The following SPOCK3 variants were observed in gnomAD, a reference collection of about 807,000 sequenced individuals.
SPOCK3 encodes SPARC (osteonectin), cwcv and kazal like domains proteoglycan 3.
Under a neutral mutation model 56.6 loss-of-function variants are expected in SPOCK3, and 30 were observed. The observed-to-expected ratio is 0.53, with a 90% confidence interval of 0.40 to 0.72. The LOEUF (loss-of-function observed/expected upper bound fraction) is 0.72. SPOCK3 is among the 30% of genes least tolerant of loss of function. SPOCK3 has a pLI of 0.00. For missense variants in SPOCK3, 527 were observed against 530.0 expected (o/e 0.99, Z 0.06); for synonymous variants, 196 against 183.3 (o/e 1.07, Z -0.56).
chr4:167,122,410 A>G (rs1652940810), intron 2 of SPOCK3, among the ~76,000 whole-genome samples: 1 of 152,148 alleles, frequency 6.6e-6, no homozygotes, highest in Admixed American at 6.5e-5. Flanking sequence ...TCAGCCTCCC[A>G]TTAATAATTT....
At chr4:167,159,995 C>T (rs1385282917) in intron 2 of SPOCK3, among the ~76,000 whole-genome samples, 2 of 152,118 alleles carry the variant, frequency 1.3e-5, no homozygotes, top group South Asian at 2.1e-4. Flanking sequence ...CAGGGATGCC[C>T]TCTCTCACCA....
intron 6 of SPOCK3, among the ~76,000 whole-genome samples, chr4:166,834,466 T>G (rs547020148): frequency 6.6e-6 from 1 of 152,324 alleles, no homozygotes; most frequent in Admixed American, 6.5e-5. Flanking sequence ...TTAAAAATTT[T>G]TAGAGTACCA....
intron 2 of SPOCK3, among the ~76,000 whole-genome samples, chr4:167,095,316 T>G (rs1461923679): frequency 1.3e-5 from 2 of 152,078 alleles, no homozygotes; most frequent in African/African-American, 2.4e-5. Context: ...TTTATTCTAT[T>G]ATTTTGTCTT....
intron 2 of SPOCK3, among the ~76,000 whole-genome samples, chr4:167,145,922 C>G (rs1346917221): frequency 6.6e-6 from 1 of 152,152 alleles, no homozygotes; most frequent in Non-Finnish European, 1.5e-5. Flanking sequence ...AAATAATCAA[C>G]TAGCATCACA....
intron 5 of SPOCK3, among the ~76,000 whole-genome samples, chr4:166,910,457 C>T (rs987891520): frequency 6.6e-6 from 1 of 152,034 alleles, no homozygotes; most frequent in African/African-American, 2.4e-5. Flanking sequence ...CCAAGGAGAA[C>T]AATGAGGAAA....
intron 4 of SPOCK3, among the ~76,000 whole-genome samples, chr4:166,918,030 G>A (rs1219023089): frequency 6.6e-6 from 1 of 152,020 alleles, no homozygotes; most frequent in East Asian, 1.9e-4. Context: ...CAAATCATTT[G>A]CTTTTTAAAA....
intron 5 of SPOCK3, among the ~76,000 whole-genome samples, chr4:166,900,143 T>G (rs773614612): frequency 2.0e-5 from 3 of 152,138 alleles, no homozygotes; most frequent in Non-Finnish European, 4.4e-5. Context: ...ACTGTTCCAG[T>G]TTTACCAGCT....
At chr4:167,208,202 A>G (rs184314524) in intron 2 of SPOCK3, among the ~76,000 whole-genome samples, 2 of 152,190 alleles carry the variant, frequency 1.3e-5, no homozygotes, top group Admixed American at 1.3e-4. Flanking sequence ...ATTGCCGAAA[A>G]GTGGGAAAAA....
At chr4:166,979,654 G>T (rs1423212993) in intron 4 of SPOCK3, among the ~76,000 whole-genome samples, 1 of 151,960 alleles carries the variant, frequency 6.6e-6, no homozygotes, top group African/African-American at 2.4e-5. Flanking sequence ...TACTTCACTG[G>T]TTGTTCCTTC....
At chr4:166,830,374 A>G (rs146504808) in intron 6 of SPOCK3, among the ~76,000 whole-genome samples, 47 of 152,306 alleles carry the variant, frequency 3.1e-4, no homozygotes, top group South Asian at 1.7e-3. Flanking sequence ...AACATATTTC[A>G]TAACTTATTT....
chr4:166,849,935 T>C (rs1748503105), intron 6 of SPOCK3, among the ~76,000 whole-genome samples: 1 of 152,208 alleles, frequency 6.6e-6, no homozygotes, highest in South Asian at 2.1e-4. Flanking sequence ...AAAGGACTAA[T>C]AATATTTCAT....
chr4:167,056,795 CA>C (rs1335587504), intron 3 of SPOCK3, among the ~76,000 whole-genome samples: 1 of 152,018 alleles, frequency 6.6e-6, no homozygotes, highest in Non-Finnish European at 1.5e-5. Context: ...GTGAAAAGAC[CA>C]AATCTACGCC....
chr4:167,009,026 T>A (rs9992558), intron 3 of SPOCK3, among the ~76,000 whole-genome samples: 3,739 of 152,156 alleles, frequency 0.025, 168 homozygotes, highest in African/African-American at 0.085. Flanking sequence ...TAAAAAATTT[T>A]AAAAAATAAA....
At chr4:167,222,750 G>A (rs1234131058) in intron 2 of SPOCK3, among the ~76,000 whole-genome samples, 1 of 124,336 alleles carries the variant, frequency 8.0e-6, no homozygotes, top group Non-Finnish European at 1.6e-5. Context: ...TATAAACATA[G>A]ATATATATTG....
intron 2 of SPOCK3, among the ~76,000 whole-genome samples, chr4:167,167,228 CACAGT>C: frequency 6.6e-6 from 1 of 152,048 alleles, no homozygotes; most frequent in Non-Finnish European, 1.5e-5. Flanking sequence ...AAATCATATT[CACAGT>C]ATTGATATTT....
Position 167,204,610 on chromosome 4 carries a change from C to T in SPOCK3, c.189+29375G>A, listed in dbSNP as rs373103034. On this transcript the variant is annotated intron_variant, in intron 2 of 10. Transcript: ENST00000357545. Reference sequence around the variant, plus strand: ...CACCCAACATGTGGGGATTACAATTCGGATTACTATTCAAGATGAGATTTG... The same window carrying T: ...CACCCAACATGTGGGGATTACAATTTGGATTACTATTCAAGATGAGATTTG... Among the ~76,000 whole-genome samples the T allele has an allele frequency of 1.2e-4, 19 of 152,078 alleles. 1 individual carries two copies. The highest frequency in any genetic ancestry group is 3.9e-4 in the East Asian group (2 of 5,150).
At chr4:167,062,031 C>G (rs944565606) in intron 3 of SPOCK3, among the ~76,000 whole-genome samples, 2 of 151,808 alleles carry the variant, frequency 1.3e-5, no homozygotes, top group Non-Finnish European at 2.9e-5. Context: ...TTTTGTATAA[C>G]ACGTTTCCTT....
intron 7 of SPOCK3, among the ~76,000 whole-genome samples, chr4:166,765,890 A>G (rs1378135727): frequency 6.6e-6 from 1 of 152,172 alleles, no homozygotes; most frequent in Non-Finnish European, 1.5e-5. Flanking sequence ...TTCTCCTTGA[A>G]GAGGTCCTTC....
chr4:167,107,716 C>CA (rs761058420), intron 2 of SPOCK3, among the ~76,000 whole-genome samples: 1 of 151,612 alleles, frequency 6.6e-6, no homozygotes, highest in African/African-American at 2.4e-5. Context: ...AAAGACATCA[C>CA]AAAAAAATAA....
Sources: allele counts gnomAD v4.1 joint callset (sites outside exome capture counted in the v4.1 genomes callset), GRCh38; gene constraint gnomAD v4.1.1; transcripts MANE v1.5; gene names NCBI Gene and HGNC (gene_info 2026-07-23, HGNC 2026-07-21).